TGFA: variants seen among roughly 807,000 people sequenced by gnomAD.
TGFA encodes the protein protransforming growth factor alpha.
A neutral mutation model predicts 21.7 loss-of-function variants in TGFA; 12 were observed. That is an observed-to-expected ratio of 0.55 (90% CI 0.35 to 0.90). TGFA has a LOEUF of 0.90. TGFA is among the 40% of genes least tolerant of loss of function. The probability of loss-of-function intolerance (pLI) is 0.01; values close to 1 mark genes in which losing one functional copy is unlikely to be tolerated. For synonymous variants in TGFA, 79 were observed against 88.1 expected (o/e 0.90, Z 0.58); for missense variants, 178 against 210.8 (o/e 0.84, Z 0.96).
chr2:70,544,656 ATGAG>A (rs1297788947), intron 1 of TGFA, among the ~76,000 whole-genome samples: 1 of 152,224 alleles, frequency 6.6e-6, no homozygotes, highest in Non-Finnish European at 1.5e-5. Context: ...TGCAGAATAA[ATGAG>A]TGAACACATT....
chr2:70,516,135 C>A (rs151256714), intron 1 of TGFA, among the ~76,000 whole-genome samples: 8 of 152,346 alleles, frequency 5.3e-5, no homozygotes, highest in Non-Finnish European at 1.0e-4. Flanking sequence ...TCAGCATGAG[C>A]CACATTAGAA....
chr2:70,539,718 G>C (rs562895748), intron 1 of TGFA, among the ~76,000 whole-genome samples: 3 of 152,300 alleles, frequency 2.0e-5, no homozygotes, highest in South Asian at 4.1e-4. Context: ...GCCTCCCAAA[G>C]TGCTGGGATT....
chr2:70,461,305 C>T (rs1190045050), intron 3 of TGFA, among the ~76,000 whole-genome samples: 4 of 152,178 alleles, frequency 2.6e-5, no homozygotes, highest in African/African-American at 9.7e-5. Flanking sequence ...AACCCTACCC[C>T]CACCACCTGC....
intron 2 of TGFA, among the ~76,000 whole-genome samples, chr2:70,478,271 G>A (rs555286960): frequency 1.2e-4 from 19 of 152,262 alleles, no homozygotes; most frequent in African/African-American, 4.3e-4. Context: ...AAATGGTGCC[G>A]CCACAATTGA....
intron 2 of TGFA, among the ~76,000 whole-genome samples, chr2:70,503,578 ATAAT>A (rs1671805652): frequency 1.6e-5 from 2 of 122,466 alleles, no homozygotes; most frequent in Non-Finnish European, 3.7e-5. Context: ...TATAATAATA[ATAAT>A]AAAAAAAAAA....
At position 70,544,188 on chromosome 2, in the gene TGFA, C is replaced by T. The variant is rs144964425; in HGVS notation, c.40+9540G>A. ...CAGCTTCGTACTTAAGTGTTAAATG[C>T]GCAAACATTACCCGTAAAGCCATGA... On this transcript the variant is annotated intron_variant, in intron 1 of 5. Coordinates refer to ENST00000295400, the MANE Select transcript of TGFA (RefSeq NM_003236.4). Among the ~76,000 whole-genome samples, 681 of 152,004 alleles carry T rather than the reference C, an allele frequency of 4.5e-3. 5 individuals are homozygous for T. The highest frequency in any genetic ancestry group is 0.016 in the African/African-American group (643 of 41,472).
At chr2:70,546,482 C>A (rs1180624543) in intron 1 of TGFA, among the ~76,000 whole-genome samples, 1 of 151,662 alleles carries the variant, frequency 6.6e-6, no homozygotes, top group East Asian at 1.9e-4. Flanking sequence ...CAATGAAAAA[C>A]CTTATTATTA....
chr2:70,535,685 C>T (rs1553504275), intron 1 of TGFA, among the ~76,000 whole-genome samples: 1 of 152,198 alleles, frequency 6.6e-6, no homozygotes. Flanking sequence ...AAATCCAAAA[C>T]ATCCAATTTA....
intron 2 of TGFA, among the ~76,000 whole-genome samples, chr2:70,491,827 T>A (rs535146768): frequency 9.9e-5 from 15 of 152,210 alleles, no homozygotes; most frequent in Admixed American, 2.0e-4. Flanking sequence ...CCTACCCTCA[T>A]CCCTTGGGAA....
chr2:70,463,637 T>G (rs114635582), intron 3 of TGFA, among the ~76,000 whole-genome samples: 1,942 of 152,248 alleles, frequency 0.013, 43 homozygotes, highest in African/African-American at 0.044. Flanking sequence ...AGACCTGCCC[T>G]TTTTCTCCAA....
At chr2:70,509,800 T>C (rs1365901792) in intron 2 of TGFA, among the ~76,000 whole-genome samples, 2 of 152,174 alleles carry the variant, frequency 1.3e-5, no homozygotes, top group Non-Finnish European at 2.9e-5. Flanking sequence ...GAGAACCAGA[T>C]GGGCAGCCTG....
At position 70,498,460 on chromosome 2, in the gene TGFA, C is replaced by T. The variant is rs184941203; in HGVS notation, c.94+16399G>A. Reference sequence around the variant, plus strand: ...GTTTCAGATTAACAGAGAGTAAGGGCAACGGGGCTTGGGCTAAGGGTTTTG... The same window carrying T: ...GTTTCAGATTAACAGAGAGTAAGGGTAACGGGGCTTGGGCTAAGGGTTTTG... On this transcript the variant is annotated intron_variant, in intron 2 of 5. Transcript: ENST00000295400. 8.5e-3 allele frequency among the ~76,000 whole-genome samples: 1,296 copies of T among 152,242 alleles called. 5 individuals are homozygous for T. The highest frequency in any genetic ancestry group is 0.013 in the Non-Finnish European group (895 of 68,004).
intron 1 of TGFA, among the ~76,000 whole-genome samples, chr2:70,518,960 G>A (rs880002043): frequency 6.6e-6 from 1 of 152,240 alleles, no homozygotes; most frequent in East Asian, 1.9e-4. Context: ...CTTCCTGCAT[G>A]AAGGGATGAA....
chr2:70,476,109 T>TAAAAAAAAAAAAAA (rs1670926055), intron 2 of TGFA, among the ~76,000 whole-genome samples: 17 of 78,526 alleles, frequency 2.2e-4, no homozygotes, highest in African/African-American at 8.2e-4. Context: ...AAAAAAAAAT[T>TAAAAAAAAAAAAAA]AAGAAAATTA....
At chr2:70,553,306 C>T in intron 1 of TGFA, 6 of 1,524,462 alleles carry the variant, frequency 3.9e-6, no homozygotes, top group Non-Finnish European at 4.4e-6. Flanking sequence ...CAAGACCCGG[C>T]CAGAGGGTTA....
At chr2:70,548,288 C>T (rs1451766837) in intron 1 of TGFA, among the ~76,000 whole-genome samples, 5 of 152,146 alleles carry the variant, frequency 3.3e-5, no homozygotes, top group Admixed American at 6.5e-5. Context: ...TCAGAGGTGC[C>T]AAACACAGAG....
intron 2 of TGFA, among the ~76,000 whole-genome samples, chr2:70,466,063 T>G (rs113782584): frequency 2.0e-5 from 3 of 152,360 alleles, no homozygotes; most frequent in African/African-American, 7.2e-5. Context: ...GACAGTGATT[T>G]TTTTTTAGAT....
At chr2:70,509,548 C>G (rs983735200) in intron 2 of TGFA, among the ~76,000 whole-genome samples, 1 of 152,180 alleles carries the variant, frequency 6.6e-6, no homozygotes, top group Non-Finnish European at 1.5e-5. Context: ...TTCATCCTCA[C>G]CTCTGAGAAG....
At chr2:70,482,417 T>A (rs1574091039) in intron 2 of TGFA, among the ~76,000 whole-genome samples, 1 of 152,144 alleles carries the variant, frequency 6.6e-6, no homozygotes, top group Non-Finnish European at 1.5e-5. Context: ...GCTCTAAAGC[T>A]CTAGGTTACA....
Sources: allele counts gnomAD v4.1 joint callset (sites outside exome capture counted in the v4.1 genomes callset), GRCh38; gene constraint gnomAD v4.1.1; transcripts MANE v1.5; gene names NCBI Gene and HGNC (gene_info 2026-07-23, HGNC 2026-07-21).